ATF7: variants seen among roughly 807,000 people sequenced by gnomAD.
ATF7 encodes the protein cyclic AMP-dependent transcription factor ATF-7.
A neutral mutation model predicts 50.4 loss-of-function variants in ATF7; 10 were observed. The observed-to-expected ratio is 0.20, with a 90% CI of 0.12 to 0.34. ATF7 has a LOEUF of 0.34. Ranked by LOEUF, ATF7 falls within the 10% of genes least tolerant of loss-of-function variation. The pLI is 1.00. For synonymous variants in ATF7, 201 were observed against 226.4 expected (o/e 0.89, Z 1.01); for missense variants, 465 against 613.9 (o/e 0.76, Z 2.56).
intron 2 of ATF7, among the ~76,000 whole-genome samples, chr12:53,567,040 T>C (rs1452980338): frequency 1.3e-5 from 2 of 152,298 alleles, no homozygotes; most frequent in East Asian, 3.9e-4. Flanking sequence ...GCGTGAGCCA[T>C]TGCGCCCAGC....
At chr12:53,532,249 C>T (rs1431853898) in intron 8 of ATF7, among the ~76,000 whole-genome samples, 1 of 152,186 alleles carries the variant, frequency 6.6e-6, no homozygotes, top group Admixed American at 6.6e-5. Flanking sequence ...CATCTGTCAC[C>T]CTAAAACGGC....
intron 2 of ATF7, among the ~76,000 whole-genome samples, chr12:53,566,509 T>C (rs1242495426): frequency 2.0e-5 from 3 of 152,186 alleles, no homozygotes; most frequent in Non-Finnish European, 4.4e-5. Flanking sequence ...GCACTTCTGA[T>C]GTAAGGCTTT....
intron 1 of ATF7, among the ~76,000 whole-genome samples, chr12:53,617,158 C>T (rs1349630633): frequency 6.6e-6 from 1 of 152,012 alleles, no homozygotes; most frequent in Non-Finnish European, 1.5e-5. Context: ...AAGTAGCTGG[C>T]GCTACAAACG....
chr12:53,538,097 A>G (rs1372717643), intron 4 of ATF7, among the ~76,000 whole-genome samples: 1 of 152,208 alleles, frequency 6.6e-6, no homozygotes, highest in Non-Finnish European at 1.5e-5. Context: ...TTCCCCAACT[A>G]TAAGATGAAG....
At chr12:53,593,665 T>C (rs542666743) in intron 2 of ATF7, among the ~76,000 whole-genome samples, 1 of 152,348 alleles carries the variant, frequency 6.6e-6, no homozygotes, top group Admixed American at 6.5e-5. Context: ...GCCTGTTAAA[T>C]ATTTACAACA....
chr12:53,535,469 TAAC>T (rs1245777978), intron 5 of ATF7, among the ~76,000 whole-genome samples: 6 of 151,998 alleles, frequency 3.9e-5, no homozygotes, highest in Non-Finnish European at 8.8e-5. Context: ...ATGTTAAAAT[TAAC>T]AACCACTGGC....
At chr12:53,552,729 G>T in intron 2 of ATF7, 92 bp from the exon 3 acceptor site, 1 of 941,392 alleles carries the variant, frequency 1.1e-6, no homozygotes. Flanking sequence ...ATCTTGCAAT[G>T]AGATTGGTCC....
downstream of ATF7, among the ~76,000 whole-genome samples, chr12:53,508,678 AC>A (rs1345027404): frequency 3.9e-5 from 6 of 152,196 alleles, no homozygotes; most frequent in African/African-American, 1.4e-4. Flanking sequence ...ACTGCTTCCG[AC>A]CTGCCTCATC....
chr12:53,614,412 T>C (rs1036909202), intron 1 of ATF7, among the ~76,000 whole-genome samples: 1 of 152,200 alleles, frequency 6.6e-6, no homozygotes, highest in African/African-American at 2.4e-5. Flanking sequence ...TCAGATAAAG[T>C]ATGATCCTCA....
chr12:53,546,163 G>C (rs1404852949), intron 3 of ATF7, among the ~76,000 whole-genome samples: 1 of 152,018 alleles, frequency 6.6e-6, no homozygotes, highest in Non-Finnish European at 1.5e-5. Flanking sequence ...TTGCACTCTA[G>C]CCTGGGCAAC....
intron 2 of ATF7, among the ~76,000 whole-genome samples, chr12:53,595,088 G>A (rs1305928952): frequency 6.6e-6 from 1 of 152,142 alleles, no homozygotes; most frequent in African/African-American, 2.4e-5. Context: ...CTGCCTGACA[G>A]CATGCAGGCA....
chr12:53,559,994 C>T (rs1410152974), intron 2 of ATF7, among the ~76,000 whole-genome samples: 4 of 150,682 alleles, frequency 2.7e-5, no homozygotes, highest in African/African-American at 9.8e-5. Context: ...GTGATCTCGG[C>T]TCACCGCAAC....
downstream of ATF7, among the ~76,000 whole-genome samples, chr12:53,509,462 T>G (rs1251643122): frequency 6.6e-6 from 1 of 151,676 alleles, no homozygotes; most frequent in East Asian, 1.9e-4. Context: ...GTGTAAAAGC[T>G]CTTCATATTT....
Position 53,523,401 on chromosome 12 carries a change from GA to G in ATF7, c.1126-18del. ...GACTTCATTCTGAGGAGGGAGGGAA[GA>G]AAAGAGTATCAAGAAAATTCATCCT... On this transcript the variant is annotated intron_variant, in intron 10 of 11. Coordinates refer to ENST00000420353, the MANE Select transcript of ATF7 (RefSeq NM_006856.3). The G allele has an allele frequency of 6.4e-7, 1 of 1,571,658 alleles. No homozygotes were observed. Among genetic ancestry groups the G allele is most frequent in the South Asian group, 1.1e-5 (1 of 90,236 alleles).
chr12:53,610,636 T>TA (rs1457273773), intron 1 of ATF7, among the ~76,000 whole-genome samples: 1 of 151,956 alleles, frequency 6.6e-6, no homozygotes, highest in Non-Finnish European at 1.5e-5. Flanking sequence ...GTTGTCTACT[T>TA]ACAACTGAAT....
chr12:53,542,580 C>T (rs1939642432), intron 4 of ATF7, among the ~76,000 whole-genome samples: 1 of 152,178 alleles, frequency 6.6e-6, no homozygotes, highest in African/African-American at 2.4e-5. Flanking sequence ...GCATGCACCA[C>T]CATGCCTGAT....
chr12:53,605,448 T>C (rs563522946), intron 1 of ATF7, among the ~76,000 whole-genome samples: 178 of 150,424 alleles, frequency 1.2e-3, no homozygotes, highest in Non-Finnish European at 2.3e-3. Context: ...ATAACCGTAA[T>C]TTGCTTTTTG....
intron 2 of ATF7, among the ~76,000 whole-genome samples, chr12:53,557,414 C>T (rs141609692): frequency 1.3e-5 from 2 of 152,320 alleles, no homozygotes; most frequent in East Asian, 1.9e-4. Context: ...GTTGCCCAGG[C>T]TGGTCTTGAA....
intron 2 of ATF7, among the ~76,000 whole-genome samples, chr12:53,571,981 C>G (rs765789005): frequency 6.6e-6 from 1 of 151,814 alleles, no homozygotes; most frequent in African/African-American, 2.4e-5. Context: ...GCAGGAGAAT[C>G]GCTTGAACCT....
Sources: allele counts gnomAD v4.1 joint callset (sites outside exome capture counted in the v4.1 genomes callset), GRCh38; gene constraint gnomAD v4.1.1; transcripts MANE v1.5; gene names NCBI Gene and HGNC (gene_info 2026-07-23, HGNC 2026-07-21).